The following RNF17 variants were observed in gnomAD, a reference collection of about 807,000 sequenced individuals.
The protein encoded by RNF17 is spermatogenesis associated 23.
RNF17 carries 31 observed loss-of-function variants against 200.5 expected under a neutral mutation model. The ratio of observed to expected loss-of-function variants is 0.15; its 90% CI spans 0.12 to 0.21. The LOEUF (loss-of-function observed/expected upper bound fraction) is 0.21. Ranked by LOEUF, RNF17 falls within the 10% of genes least tolerant of loss-of-function variation. The pLI, the probability that RNF17 is intolerant of heterozygous loss-of-function variation, is 1.00. For synonymous variants in RNF17, 606 were observed against 637.8 expected (o/e 0.95, Z 0.75); for missense variants, 1,628 against 1,905.1 (o/e 0.85, Z 2.71).
chr13:24,884,198 C>T, downstream of RNF17: 2 of 1,614,152 alleles, frequency 1.2e-6, no homozygotes, highest in Non-Finnish European at 1.7e-6. Flanking sequence ...CTTCCAGTCC[C>T]TCCGGGTATG....
At chr13:24,852,370 C>A (rs761075683) in intron 24 of RNF17, among the ~76,000 whole-genome samples, 4 of 152,186 alleles carry the variant, frequency 2.6e-5, no homozygotes, top group Non-Finnish European at 5.9e-5. Flanking sequence ...GATCTCCTGA[C>A]CTCGTGATCT....
chr13:24,881,893 C>T (rs1953842793), downstream of RNF17, among the ~76,000 whole-genome samples: 1 of 100,468 alleles, frequency 1.0e-5, no homozygotes, highest in African/African-American at 3.7e-5. Flanking sequence ...TATATAGATA[C>T]ATCTATATAG....
intron 21 of RNF17, 21 bp downstream of exon 21, chr13:24,844,823 T>C (rs1471566759): frequency 6.2e-7 from 1 of 1,604,958 alleles, no homozygotes; most frequent in East Asian, 2.2e-5. Context: ...GAGTTAAAAG[T>C]GTAATTGTGA....
intron 16 of RNF17, among the ~76,000 whole-genome samples, chr13:24,829,077 C>T (rs1889090102): frequency 6.6e-6 from 1 of 152,182 alleles, no homozygotes; most frequent in Admixed American, 6.5e-5. Flanking sequence ...TGAGCCATCA[C>T]ATGTGGCCAA....
Position 24,796,328 on chromosome 13 carries a change from A to G in RNF17, c.1399+33A>G, listed in dbSNP as rs747246600. On this transcript the variant is annotated intron_variant, in intron 11 of 35. Transcript: ENST00000255324. Reference sequence around the variant, plus strand: ...AATATTAGTCCAAGTTAAAATATCAAATTTATTTAAATAATATAATAACTT... The same window carrying G: ...AATATTAGTCCAAGTTAAAATATCAGATTTATTTAAATAATATAATAACTT... 1.4e-5 allele frequency: 20 copies of G among 1,428,560 alleles called. No individual in the cohort carries two copies. In the Admixed American group the frequency reaches 3.9e-4, roughly 28 times the overall value. 88.5% of individuals were successfully genotyped at this position (1,428,560 alleles called of 1,614,324 possible).
intron 19 of RNF17, 121 bp downstream of exon 19, chr13:24,842,282 T>G: frequency 1.2e-6 from 1 of 807,928 alleles, no homozygotes; most frequent in Admixed American, 3.4e-5. Flanking sequence ...GACCTGAGAA[T>G]TTTCCCTGTC....
rs1883525267 is a variant in RNF17 at position 24,789,210 on chromosome 13, C to T, written c.784-138C>T. Reference sequence around the variant, plus strand: ...AAGTCATAAACACTTATTTGTATCCCTTTGAGTGCCCCAAATTGAGCCTGA... The same window carrying T: ...AAGTCATAAACACTTATTTGTATCCTTTTGAGTGCCCCAAATTGAGCCTGA... On this transcript the variant is annotated intron_variant, in intron 7 of 35. Transcript: ENST00000255324. The T allele has an allele frequency of 6.7e-6, 4 of 597,156 alleles. No individual in the cohort carries two copies. In the South Asian group the frequency reaches 7.2e-5, roughly 11 times the overall value. The allele number at this position is 597,156 out of a possible 1,614,324, so 37.0% of individuals were successfully genotyped here.
intron 26 of RNF17, among the ~76,000 whole-genome samples, chr13:24,860,208 A>G (rs1892955565): frequency 6.6e-6 from 1 of 151,938 alleles, no homozygotes; most frequent in South Asian, 2.1e-4. Flanking sequence ...TTACAAAGGT[A>G]AAATGAAATT....
rs1185727560 is a variant in RNF17 at position 24,847,474 on chromosome 13, T to C, written c.3101+2395T>C. Among the ~76,000 whole-genome samples the C allele has an allele frequency of 2.0e-5, 3 of 151,704 alleles. No individual in the cohort carries two copies. In the East Asian group the frequency reaches 5.8e-4, roughly 30 times the overall value. On this transcript the variant is annotated intron_variant, in intron 22 of 35. Transcript: ENST00000255324. ...GATTCTCCCACCTCAGCCTCCCGAG[T>C]AGCTGGAATTACAGGCGTGCACCAC...
At position 24,794,189 on chromosome 13, in the gene RNF17, A is replaced by C. The variant is rs138198218; in HGVS notation, c.1240+843A>C. 4.3e-3 allele frequency: 1,943 copies of C among 456,644 alleles called. 39 individuals are homozygous for C. The highest frequency in any genetic ancestry group is 0.034 in the African/African-American group (1,688 of 50,170). The allele number at this position is 456,644 out of a possible 1,614,324, so 28.3% of individuals were successfully genotyped here. Reference sequence around the variant, plus strand: ...CAGATGATCTTGGGGAGACACCTAGATATCCAAAAAAGCCTCTTCAGAAAA... The same window carrying C: ...CAGATGATCTTGGGGAGACACCTAGCTATCCAAAAAAGCCTCTTCAGAAAA... On this transcript the variant is annotated intron_variant, in intron 10 of 35. Transcript: ENST00000255324.
the RNF17 span, among the ~76,000 whole-genome samples, chr13:24,748,712 T>G: frequency 6.6e-6 from 1 of 151,770 alleles, no homozygotes; most frequent in African/African-American, 2.4e-5. Flanking sequence ...TAATAAGAAC[T>G]AAAAGGTTTT....
chr13:24,826,041 G>A (rs532739688), intron 16 of RNF17: 16 of 984,336 alleles, frequency 1.6e-5, no homozygotes, highest in African/African-American at 1.6e-4. Flanking sequence ...TTCAAAAACC[G>A]GTGAACTCTA....
chr13:24,868,489 A>C (rs1395139194), intron 30 of RNF17, 111 bp from the exon 31 acceptor site: 2 of 548,650 alleles, frequency 3.6e-6, no homozygotes, highest in Non-Finnish European at 3.3e-6. Flanking sequence ...AAAAAAAAAA[A>C]AAAACTTGCT....
At chr13:24,820,271 A>C (rs1247564259) in intron 15 of RNF17, among the ~76,000 whole-genome samples, 3 of 151,372 alleles carry the variant, frequency 2.0e-5, no homozygotes, top group Non-Finnish European at 4.4e-5. Flanking sequence ...TCAGGTGTGC[A>C]CCACGATGCC....
intron 20 of RNF17, among the ~76,000 whole-genome samples, 192 bp from the exon 21 acceptor site, chr13:24,844,460 G>C: frequency 6.6e-6 from 1 of 152,116 alleles, no homozygotes; most frequent in East Asian, 1.9e-4. Flanking sequence ...AAGTGTCTGA[G>C]GGAAGTTTAT....
intron 13 of RNF17, among the ~76,000 whole-genome samples, chr13:24,801,724 T>C (rs997300885): frequency 6.6e-6 from 1 of 152,192 alleles, no homozygotes; most frequent in African/African-American, 2.4e-5. Context: ...TAACTGATGA[T>C]TGTAAATTTT....
chr13:24,883,319 G>A (rs374621307), downstream of RNF17: 7 of 1,613,554 alleles, frequency 4.3e-6, no homozygotes, highest in African/African-American at 4.0e-5. Flanking sequence ...GAACTGGGCA[G>A]TATGTAGTTC....
intron 22 of RNF17, among the ~76,000 whole-genome samples, chr13:24,848,656 CTG>C (rs1476833906): frequency 2.0e-5 from 3 of 152,076 alleles, no homozygotes; most frequent in Non-Finnish European, 4.4e-5. Flanking sequence ...CAGTGAGACT[CTG>C]TCTCAAAAAA....
At chr13:24,785,487 A>G (rs1882985483) in intron 6 of RNF17, among the ~76,000 whole-genome samples, 1 of 152,232 alleles carries the variant, frequency 6.6e-6, no homozygotes, top group African/African-American at 2.4e-5. Flanking sequence ...GTTAATGAAC[A>G]TTAAACATTA....
Sources: gnomAD v4.1 joint callset for allele counts (sites outside exome capture counted in the v4.1 genomes callset) on GRCh38, gnomAD v4.1.1 for gene constraint, MANE v1.5 for transcripts, NCBI Gene and HGNC (gene_info 2026-07-23, HGNC 2026-07-21) for gene names.